The following RCC2 variants were observed in gnomAD, a reference collection of about 807,000 sequenced individuals.
RCC2 encodes protein RCC2.
Under a neutral mutation model 64.1 loss-of-function variants are expected in RCC2, and 19 were observed. That is an observed-to-expected ratio of 0.30 (90% confidence interval 0.21 to 0.44). The LOEUF (loss-of-function observed/expected upper bound fraction) is 0.44. Among genes scored for constraint, RCC2 ranks in the 20% least tolerant of loss-of-function variants. The probability of loss-of-function intolerance (pLI) is 1.00; values close to 1 mark genes in which losing one functional copy is unlikely to be tolerated. For missense variants in RCC2, 508 were observed against 710.4 expected, an observed-to-expected ratio of 0.72 and a Z score of 3.24; for synonymous variants, 325 against 279.6, an observed-to-expected ratio of 1.16 and a Z score of -1.62.
chr1:17,431,359 A>AATATATATATATATAT (rs71014951), intron 2 of RCC2, among the ~76,000 whole-genome samples: 82 of 44,884 alleles, frequency 1.8e-3, no homozygotes, highest in African/African-American at 7.5e-3. Context: ...AAAAAAAAAA[A>AATATATATATATATAT]ATATATATAT....
rs1450504916 is a variant in RCC2, at chr1:17,408,241, T to C, written c.*849A>G. ...GCAAGGACTGGAGAATGCACTTGAC[T>C]GCTGGCTGGTCCATCTCTTAATTGG... On this transcript the variant is annotated 3_prime_UTR_variant, in exon 13 of 13. Transcript: ENST00000375436. 2.0e-5 allele frequency: 3 copies of C among 152,302 alleles called. No homozygotes were observed. Among genetic ancestry groups the C allele is most frequent in the Non-Finnish European group, 4.4e-5 (3 of 68,098 alleles). 9.4% of individuals were successfully genotyped at this position (152,302 alleles called of 1,614,324 possible).
chr1:17,422,634 G>GC, intron 5 of RCC2, 71 bp downstream of exon 5: 1 of 1,578,912 alleles, frequency 6.3e-7, no homozygotes, highest in Non-Finnish European at 8.7e-7. Flanking sequence ...ACCACCCCAC[G>GC]CCCCATCCCC....
At chr1:17,422,035 A>C (rs769467032) in intron 6 of RCC2, among the ~76,000 whole-genome samples, 168 bp downstream of exon 6, 1 of 152,236 alleles carries the variant, frequency 6.6e-6, no homozygotes, top group Admixed American at 6.5e-5. Flanking sequence ...TCAAAAAAAA[A>C]CAAAAAACAA....
At chr1:17,416,438 T>G in intron 8 of RCC2, 42 bp downstream of exon 8, 6 of 1,578,446 alleles carry the variant, frequency 3.8e-6, no homozygotes, top group Non-Finnish European at 5.2e-6. Context: ...ACCCCTTCCA[T>G]CCTGGTGCGA....
At chr1:17,425,484 G>A (rs2075604137) in intron 4 of RCC2, 57 bp downstream of exon 4, 2 of 1,509,232 alleles carry the variant, frequency 1.3e-6, no homozygotes, top group East Asian at 4.9e-5. Flanking sequence ...AGAACGTGCT[G>A]TGTGGGGACA....
chr1:17,417,039 C>T (rs1397874740), intron 7 of RCC2, among the ~76,000 whole-genome samples: 1 of 152,180 alleles, frequency 6.6e-6, no homozygotes, highest in Non-Finnish European at 1.5e-5. Flanking sequence ...AAGGAATGGT[C>T]TATCAAGTAA....
At position 17,408,966 on chromosome 1, in the gene RCC2, A is replaced by G; in HGVS notation, c.*124T>C. ...TGTAAAACGGAACCTCAGGGAGTCTAAACAAAAATGCACCTTCGGTCAACT... is the reference window on the plus strand; with the variant it reads ...TGTAAAACGGAACCTCAGGGAGTCTGAACAAAAATGCACCTTCGGTCAACT... On this transcript the variant is annotated 3_prime_UTR_variant, in exon 13 of 13. Coordinates refer to ENST00000375436, the MANE Select transcript of RCC2 (RefSeq NM_018715.4). 1.3e-6 allele frequency: 1 copy of G among 771,100 alleles called. No individual in the cohort carries two copies. Among genetic ancestry groups the G allele is most frequent in the Non-Finnish European group, 2.3e-6 (1 of 434,444 alleles). 47.8% of individuals were successfully genotyped at this position (771,100 alleles called of 1,614,324 possible).
intron 3 of RCC2, among the ~76,000 whole-genome samples, chr1:17,427,969 G>C (rs988282512): frequency 5.3e-5 from 8 of 152,180 alleles, no homozygotes; most frequent in African/African-American, 1.7e-4. Flanking sequence ...GGCTTGCTGT[G>C]GTGCTATCTT....
chr1:17,416,630 C>T lies in RCC2; in HGVS notation c.876G>A (p.Gly292=), dbSNP rs745773360. The change falls in exon 8 of 13, where the codon GGG becomes GGA. Residue 292 remains glycine, a synonymous_variant. Coordinates refer to ENST00000375436, the MANE Select transcript of RCC2 (RefSeq NM_018715.4). ...EYGQLGHNSD[G]KFIARAQRIE... ...TCCGCTGTGCCCGGGCGATGAACTT[C>T]CCATCTGAGTTGTGTCCTGTAGAGA... 11 of 1,612,942 alleles carry T rather than the reference C, an allele frequency of 6.8e-6. No homozygotes were observed. The South Asian group carries it at 1.1e-4, about 16-fold the overall frequency.
intron 2 of RCC2, among the ~76,000 whole-genome samples, chr1:17,434,207 C>CTA (rs1388483130): frequency 1.2e-4 from 18 of 152,204 alleles, no homozygotes; most frequent in Non-Finnish European, 2.2e-4. Context: ...TTTTTGTATG[C>CTA]TAATGACTGA....
At chr1:17,433,776 G>A (rs763125778) in intron 2 of RCC2, among the ~76,000 whole-genome samples, 2 of 152,152 alleles carry the variant, frequency 1.3e-5, no homozygotes, top group South Asian at 2.1e-4. Context: ...CAAGGTGCGC[G>A]TTTACGGGGC....
intron 10 of RCC2, among the ~76,000 whole-genome samples, chr1:17,412,474 G>A (rs1383447913): frequency 6.6e-6 from 1 of 152,220 alleles, no homozygotes. Flanking sequence ...CTCAGTGGGA[G>A]GTCGCTTTGG....
intron 4 of RCC2, among the ~76,000 whole-genome samples, chr1:17,424,609 C>A (rs1261277208): frequency 6.6e-6 from 1 of 152,184 alleles, no homozygotes; most frequent in Non-Finnish European, 1.5e-5. Context: ...GCAGGGAAGA[C>A]AACAGATGTT....
chr1:17,413,252 G>A, intron 9 of RCC2, 74 bp from the exon 10 acceptor site: 4 of 1,112,314 alleles, frequency 3.6e-6, no homozygotes, highest in South Asian at 1.3e-5. Context: ...TATTATCAGG[G>A]TGAAAAGAGG....
intron 2 of RCC2, among the ~76,000 whole-genome samples, chr1:17,430,165 G>A (rs1051776648): frequency 2.6e-5 from 4 of 152,194 alleles, no homozygotes; most frequent in Admixed American, 1.3e-4. Context: ...CATCTTTCCT[G>A]GACGTGAAAA....
rs745510671 is a variant in RCC2, at chr1:17,413,184, G to A, written c.1208-6C>T. Reference sequence around the variant, plus strand: ...CCCCCAGAAAAACAGACCACCTAAGGGAAGACAAAACATGTTCCCAGCGTG... The same window carrying A: ...CCCCCAGAAAAACAGACCACCTAAGAGAAGACAAAACATGTTCCCAGCGTG... On this transcript the variant is annotated splice_polypyrimidine_tract_variant and splice_region_variant and intron_variant, in intron 9 of 12. Transcript: ENST00000375436. 6.3e-6 allele frequency: 10 copies of A among 1,597,986 alleles called. No individual in the cohort carries two copies. The highest frequency in any genetic ancestry group is 5.0e-5 in the Admixed American group (3 of 59,798).
chr1:17,432,041 T>A (rs973516578), intron 2 of RCC2, among the ~76,000 whole-genome samples: 1 of 150,492 alleles, frequency 6.6e-6, no homozygotes, highest in Non-Finnish European at 1.5e-5. Context: ...CGAGCCGAGA[T>A]CACACCATTG....
At chr1:17,420,855 AT>A (rs775589985) in intron 6 of RCC2, 27 bp from the exon 7 acceptor site, 48 of 1,451,174 alleles carry the variant, frequency 3.3e-5, no homozygotes, top group East Asian at 6.8e-5. Context: ...GGAGACTTTC[AT>A]TTTTTTTAAA....
intron 2 of RCC2, 124 bp downstream of exon 2, chr1:17,438,106 C>G: frequency 2.9e-6 from 2 of 689,662 alleles, no homozygotes; most frequent in Non-Finnish European, 3.7e-6. Flanking sequence ...CGGCCTGCGC[C>G]GGCCCGGCCG....
Sources: gnomAD v4.1 joint callset for allele counts (sites outside exome capture counted in the v4.1 genomes callset) on GRCh38, gnomAD v4.1.1 for gene constraint, MANE v1.5 for transcripts, NCBI Gene and HGNC (gene_info 2026-07-23, HGNC 2026-07-21) for gene names.